The following HM13 variants were observed in gnomAD, a reference collection of about 807,000 sequenced individuals.
HM13 encodes the protein signal peptide peptidase.
A neutral mutation model predicts 50.0 loss-of-function variants in HM13; 18 were observed. The observed-to-expected ratio is 0.36, with a 90% confidence interval of 0.25 to 0.53. The LOEUF (loss-of-function observed/expected upper bound fraction) is 0.53, where lower values mean the gene tolerates loss of function less well. Among genes scored for constraint, HM13 ranks in the 20% least tolerant of loss-of-function variants. HM13 has a pLI of 0.90. For missense variants in HM13, 393 were observed against 552.4 expected (o/e 0.71, Z 2.89); for synonymous variants, 197 against 232.6 (o/e 0.85, Z 1.39).
chr20:31,526,517 C>T (rs1378423048), intron 1 of HM13, among the ~76,000 whole-genome samples: 1 of 152,176 alleles, frequency 6.6e-6, no homozygotes, highest in African/African-American at 2.4e-5. Flanking sequence ...ACTCCATTTT[C>T]AATTCTTTTC....
At chr20:31,552,686 C>T (rs1019232341) in intron 7 of HM13, among the ~76,000 whole-genome samples, 2 of 152,186 alleles carry the variant, frequency 1.3e-5, no homozygotes, top group Non-Finnish European at 2.9e-5. Flanking sequence ...CTTGTCCTCT[C>T]TGAGCCCTGG....
At chr20:31,518,192 C>T (rs1161163284) in intron 1 of HM13, among the ~76,000 whole-genome samples, 3 of 151,734 alleles carry the variant, frequency 2.0e-5, no homozygotes, top group Non-Finnish European at 4.4e-5. Flanking sequence ...GGCACCACCA[C>T]GCCTGGCTAA....
intron 2 of HM13, chr20:31,528,147 ATAACATCATAAACAT>A (rs1330972382): frequency 2.6e-5 from 4 of 152,288 alleles, no homozygotes; most frequent in Admixed American, 1.3e-4. Context: ...CTTCACATTA[ATAACATCATAAACAT>A]TTTCTCATGT....
chr20:31,524,058 C>A (rs766420863), intron 1 of HM13, among the ~76,000 whole-genome samples: 1 of 152,146 alleles, frequency 6.6e-6, no homozygotes, highest in African/African-American at 2.4e-5. Context: ...GGCTGTTTCG[C>A]ATCCCATATC....
intron 4 of HM13, among the ~76,000 whole-genome samples, chr20:31,546,790 CGGT>C (rs1477234252): frequency 6.6e-6 from 1 of 150,568 alleles, no homozygotes; most frequent in Non-Finnish European, 1.5e-5. Flanking sequence ...TGGCCAGGCG[CGGT>C]GGCTCATGCC....
intron 2 of HM13, among the ~76,000 whole-genome samples, chr20:31,532,639 T>C (rs1945554675): frequency 6.6e-6 from 1 of 152,166 alleles, no homozygotes; most frequent in Non-Finnish European, 1.5e-5. Context: ...TTATAAAATA[T>C]GTAGTGTTGG....
chr20:31,520,725 C>T (rs1250820962), intron 1 of HM13, among the ~76,000 whole-genome samples: 3 of 152,138 alleles, frequency 2.0e-5, no homozygotes, highest in Non-Finnish European at 4.4e-5. Context: ...GTTGTGAAGA[C>T]AGCAATGCAG....
intron 1 of HM13, 135 bp from the exon 2 acceptor site, chr20:31,527,349 A>C: frequency 1.6e-6 from 1 of 632,458 alleles, no homozygotes; most frequent in Non-Finnish European, 2.8e-6. Context: ...AAAAAAAAAA[A>C]ATGGCAAGAT....
chr20:31,526,748 C>T (rs986791906), intron 1 of HM13, among the ~76,000 whole-genome samples: 1 of 152,172 alleles, frequency 6.6e-6, no homozygotes, highest in African/African-American at 2.4e-5. Flanking sequence ...GTTGGTGTCT[C>T]CCTATGTGCA....
chr20:31,546,044 CTTTTTTT>C (rs35862306), intron 4 of HM13, among the ~76,000 whole-genome samples: 3 of 103,222 alleles, frequency 2.9e-5, no homozygotes, highest in East Asian at 2.6e-4. Context: ...AAATCTAGCA[CTTTTTTT>C]TTTTTTTTTT....
intron 9 of HM13, among the ~76,000 whole-genome samples, chr20:31,559,872 A>G (rs1228931593): frequency 6.6e-6 from 1 of 152,236 alleles, no homozygotes; most frequent in Non-Finnish European, 1.5e-5. Flanking sequence ...TAAACCCACA[A>G]GGGCCTGGTG....
At chr20:31,554,377 C>CAAA (rs60459866) in intron 7 of HM13, among the ~76,000 whole-genome samples, 3 of 137,648 alleles carry the variant, frequency 2.2e-5, no homozygotes, top group Non-Finnish European at 4.8e-5. Flanking sequence ...AGCCCCGTCT[C>CAAA]AAAAAAAAAA....
rs1452322701 is a variant in HM13 at position 31,568,066 on chromosome 20, T to A, written c.1035-12T>A. ...TCTCTTTTTTTCTGTCTCTTCTCTC[T>A]CTCTCACACAGCTACGAGTCCTCGG... is the stretch of plus-strand genomic sequence containing the variant. On this transcript the variant is annotated splice_polypyrimidine_tract_variant and intron_variant, in intron 11 of 12. Coordinates refer to ENST00000398174, the MANE Select transcript of HM13 (RefSeq NM_178581.3). The A allele has an allele frequency of 6.3e-7, 1 of 1,592,020 alleles. No individual in the cohort carries two copies. The highest frequency in any genetic ancestry group is 1.7e-5 in the Admixed American group (1 of 57,622).
intron 1 of HM13, among the ~76,000 whole-genome samples, chr20:31,518,266 C>G (rs1336746669): frequency 3.3e-5 from 5 of 151,416 alleles, no homozygotes; most frequent in Non-Finnish European, 5.9e-5. Flanking sequence ...AACTCCCGAC[C>G]TCAGGTGATC....
At chr20:31,556,768 C>A (rs969075016) in intron 8 of HM13, among the ~76,000 whole-genome samples, 1 of 151,948 alleles carries the variant, frequency 6.6e-6, no homozygotes, top group Non-Finnish European at 1.5e-5. Context: ...AGCCTGTAAT[C>A]CCAGCACTTT....
chr20:31,518,262 C>T (rs1348077110), intron 1 of HM13, among the ~76,000 whole-genome samples: 2 of 151,184 alleles, frequency 1.3e-5, no homozygotes, highest in African/African-American at 4.8e-5. Flanking sequence ...CTCAAACTCC[C>T]GACCTCAGGT....
At chr20:31,532,929 T>C (rs1405453894) in intron 2 of HM13, among the ~76,000 whole-genome samples, 1 of 152,258 alleles carries the variant, frequency 6.6e-6, no homozygotes, top group Non-Finnish European at 1.5e-5. Context: ...ACTGGCTTCC[T>C]GTTGCTCAGT....
In HM13 at chr20:31,524,397, T is replaced by C. The variant is rs73906267; in HGVS notation, c.184-3087T>C. On this transcript the variant is annotated intron_variant, in intron 1 of 12. Coordinates refer to ENST00000398174, the MANE Select transcript of HM13 (RefSeq NM_178581.3). Reference sequence around the variant, plus strand: ...CTTTATGTGTAGCATTTTACTTATTTATGAACTATATCTGTAGGGAGAATT... The same window carrying C: ...CTTTATGTGTAGCATTTTACTTATTCATGAACTATATCTGTAGGGAGAATT... Among the ~76,000 whole-genome samples, 969 of 152,320 alleles carry C rather than the reference T, an allele frequency of 6.4e-3. 10 individuals are homozygous for C. Among genetic ancestry groups the C allele is most frequent in the African/African-American group, 0.022 (915 of 41,570 alleles).
intron 8 of HM13, among the ~76,000 whole-genome samples, chr20:31,557,417 C>T (rs547701493): frequency 4.3e-4 from 65 of 152,330 alleles, no homozygotes; most frequent in African/African-American, 1.4e-3. Context: ...CCAGTAGTCC[C>T]GCAATCACAA....
Sources: gnomAD v4.1 joint callset for allele counts (sites outside exome capture counted in the v4.1 genomes callset) on GRCh38, gnomAD v4.1.1 for gene constraint, MANE v1.5 for transcripts, NCBI Gene and HGNC (gene_info 2026-07-23, HGNC 2026-07-21) for gene names.